Variants in CFAP95 observed in about 807,000 individuals in gnomAD.
CFAP95 encodes cilia- and flagella-associated protein 95.
the CFAP95 span, among the ~76,000 whole-genome samples, chr9:69,860,462 G>A: frequency 7.2e-5 from 11 of 152,134 alleles, no homozygotes; most frequent in African/African-American, 2.2e-4. Flanking sequence ...ACCTCTCATC[G>A]GACCCCACCT....
chr9:69,878,911 G>GAGC, the CFAP95 span, among the ~76,000 whole-genome samples: 492 of 152,256 alleles, frequency 3.2e-3, 5 homozygotes, highest in African/African-American at 0.011. Flanking sequence ...GGTGAAGGGG[G>GAGC]AGCAGGCACA....
At chr9:69,870,076 T>C in the CFAP95 span, among the ~76,000 whole-genome samples, 1,545 of 152,320 alleles carry the variant, frequency 0.01, 26 homozygotes, top group African/African-American at 0.035. Flanking sequence ...TTGACAGTTA[T>C]GGAGTTAAAT....
chr9:69,895,335 G>GTCCCTC, the CFAP95 span, among the ~76,000 whole-genome samples: 44 of 121,264 alleles, frequency 3.6e-4, no homozygotes, highest in East Asian at 1.0e-2. Flanking sequence ...CTTAAAATCA[G>GTCCCTC]TCTCTCTCTC....
the CFAP95 span, among the ~76,000 whole-genome samples, chr9:69,843,502 C>A: frequency 7.7e-4 from 5 of 6,466 alleles, no homozygotes; most frequent in Admixed American, 4.8e-3. Context: ...CCTCCTCCTC[C>A]CCCCCTCCTC....
chr9:69,889,606 A>G, the CFAP95 span, among the ~76,000 whole-genome samples: 4 of 151,998 alleles, frequency 2.6e-5, no homozygotes. Context: ...TAGCCTCTGA[A>G]TTGTTGGGAA....
At chr9:69,888,870 T>A in the CFAP95 span, among the ~76,000 whole-genome samples, 1 of 134,002 alleles carries the variant, frequency 7.5e-6, no homozygotes, top group South Asian at 2.6e-4. Context: ...GGAGTGAGAC[T>A]TGGTCTCAAA....
chr9:69,881,947 A>T, the CFAP95 span, among the ~76,000 whole-genome samples: 3 of 149,576 alleles, frequency 2.0e-5, no homozygotes, highest in East Asian at 1.9e-4. Flanking sequence ...GGTTTTTTTT[A>T]AATTTCTTTT....
chr9:69,843,548 C>CTTCTT, the CFAP95 span, among the ~76,000 whole-genome samples: 3 of 16,512 alleles, frequency 1.8e-4, no homozygotes, highest in Non-Finnish European at 2.8e-4. Context: ...TCCTCCTCCT[C>CTTCTT]CTCCTCCTCC....
chr9:69,869,741 A>AT, the CFAP95 span, among the ~76,000 whole-genome samples: 1 of 3,122 alleles, frequency 3.2e-4, no homozygotes, highest in Non-Finnish European at 1.2e-3. Context: ...ATTCAAAATA[A>AT]TAAAAAAAAA....
At chr9:69,885,674 A>C in the CFAP95 span, among the ~76,000 whole-genome samples, 1 of 152,094 alleles carries the variant, frequency 6.6e-6, no homozygotes, top group East Asian at 1.9e-4. Flanking sequence ...TGTGTGTTTA[A>C]TGGGGTGGAG....
chr9:69,886,788 T>C, the CFAP95 span: 1 of 1,366,438 alleles, frequency 7.3e-7, no homozygotes, highest in Non-Finnish European at 1.0e-6. Context: ...AAATGTAAAA[T>C]ATTTTTCGTT....
chr9:69,852,850 C>T, the CFAP95 span, among the ~76,000 whole-genome samples: 1 of 152,146 alleles, frequency 6.6e-6, no homozygotes, highest in African/African-American at 2.4e-5. Flanking sequence ...GATCTAATGG[C>T]TTTAAAAACT....
chr9:69,861,113 A>G, the CFAP95 span, among the ~76,000 whole-genome samples: 1 of 152,240 alleles, frequency 6.6e-6, no homozygotes, highest in Admixed American at 6.5e-5. Flanking sequence ...ACTTTTATAT[A>G]GCTGCCAGCA....
the CFAP95 span, among the ~76,000 whole-genome samples, chr9:69,832,134 G>C: frequency 6.6e-6 from 1 of 152,054 alleles, no homozygotes; most frequent in Admixed American, 6.5e-5. Context: ...TAAGAACCCC[G>C]AGCTTTCAGA....
At chr9:69,854,215 G>A in the CFAP95 span, among the ~76,000 whole-genome samples, 2 of 152,270 alleles carry the variant, frequency 1.3e-5, no homozygotes, top group South Asian at 2.1e-4. Flanking sequence ...AACTTAAGTC[G>A]AGTCTCCAAC....
the CFAP95 span, among the ~76,000 whole-genome samples, chr9:69,886,598 A>C: frequency 6.6e-6 from 1 of 152,154 alleles, no homozygotes; most frequent in Non-Finnish European, 1.5e-5. Flanking sequence ...ACATCCACTT[A>C]GGGGTCTTGG....
the CFAP95 span, chr9:69,858,187 C>T: frequency 1.9e-6 from 1 of 534,880 alleles, no homozygotes; most frequent in Non-Finnish European, 3.3e-6. Context: ...TCACTATTTG[C>T]AGATCCTGTA....
the CFAP95 span, chr9:69,906,092 C>T: frequency 6.2e-7 from 1 of 1,612,514 alleles, no homozygotes; most frequent in Non-Finnish European, 8.5e-7. Flanking sequence ...AGATGTAAAA[C>T]AGAAACTCTA....
chr9:69,834,323 T>TATA, the CFAP95 span, among the ~76,000 whole-genome samples: 2 of 152,218 alleles, frequency 1.3e-5, no homozygotes, highest in Non-Finnish European at 2.9e-5. Flanking sequence ...TGAAGATTAT[T>TATA]GAGACCCAGT....
Sources: allele counts gnomAD v4.1 joint callset (sites outside exome capture counted in the v4.1 genomes callset), GRCh38; gene constraint gnomAD v4.1.1; transcripts MANE v1.5; gene names NCBI Gene and HGNC (gene_info 2026-07-23, HGNC 2026-07-21).